Variants in NAALADL2 observed in about 807,000 individuals in gnomAD.
NAALADL2 encodes the protein N-acetylated alpha-linked acidic dipeptidase like 2, also known as inactive N-acetylated-alpha-linked acidic dipeptidase-like protein 2.
Under a neutral mutation model 87.2 loss-of-function variants are expected in NAALADL2, and 76 were observed. The observed-to-expected ratio is 0.87, with a 90% confidence interval of 0.72 to 1.05. The LOEUF (loss-of-function observed/expected upper bound fraction) is 1.05. NAALADL2 is among the 50% of genes least tolerant of loss of function. The pLI is 0.00. For missense variants in NAALADL2, 1,089 were observed against 945.8 expected, an observed-to-expected ratio of 1.15 and a Z score of -1.99; for synonymous variants, 354 against 331.0, an observed-to-expected ratio of 1.07 and a Z score of -0.75.
chr3:175,441,617 A>C (rs1719774848), intron 5 of NAALADL2, among the ~76,000 whole-genome samples: 1 of 152,024 alleles, frequency 6.6e-6, no homozygotes, highest in Admixed American at 6.6e-5. Context: ...TGAGGACTAC[A>C]CATTGAATAG....
In NAALADL2 at chr3:174,891,066, A is replaced by G. The variant is rs1306565649; in HGVS notation, c.43+31616A>G. Among the ~76,000 whole-genome samples the G allele has an allele frequency of 3.9e-5, 6 of 152,308 alleles. No homozygotes were observed. In the East Asian group the frequency reaches 5.8e-4, roughly 15 times the overall value. On this transcript the variant is annotated intron_variant, in intron 1 of 13. Transcript: ENST00000454872. ...ACTAGAAATATTGTAAATGAATTCCATATCACAAATTATACTCTTAACCAG... is the reference window on the plus strand; with the variant it reads ...ACTAGAAATATTGTAAATGAATTCCGTATCACAAATTATACTCTTAACCAG...
In NAALADL2 at chr3:175,455,639, C is replaced by T. The variant is rs568440304; in HGVS notation, c.1235-7762C>T. 4.6e-5 allele frequency among the ~76,000 whole-genome samples: 7 copies of T among 152,010 alleles called. No individual in the cohort carries two copies. In the East Asian group the frequency reaches 5.8e-4, roughly 13 times the overall value. On this transcript the variant is annotated intron_variant, in intron 6 of 13. Transcript: ENST00000454872. ...GCACATATGGATGTGAAAATGTGTGCGCATGTATTAGACAATCAGGGGATA... is the reference window on the plus strand; with the variant it reads ...GCACATATGGATGTGAAAATGTGTGTGCATGTATTAGACAATCAGGGGATA...
At chr3:174,748,037 T>C (rs532915183) in intron 3 of NAALADL2, among the ~76,000 whole-genome samples, 21 of 152,160 alleles carry the variant, frequency 1.4e-4, no homozygotes, top group African/African-American at 5.1e-4. Flanking sequence ...TGGAAGCCAT[T>C]ATCCTCAGCA....
At chr3:175,294,241 T>C (rs1316416984) in intron 4 of NAALADL2, among the ~76,000 whole-genome samples, 1 of 152,214 alleles carries the variant, frequency 6.6e-6, no homozygotes, top group Non-Finnish European at 1.5e-5. Flanking sequence ...CATATACTTT[T>C]CAAGTTTGTT....
At chr3:175,189,281 T>C (rs992653060) in intron 2 of NAALADL2, among the ~76,000 whole-genome samples, 1 of 152,152 alleles carries the variant, frequency 6.6e-6, no homozygotes, top group African/African-American at 2.4e-5. Context: ...AGGAAAGAAA[T>C]ATGTAAAATT....
Position 174,673,898 on chromosome 3 carries a change from A to G in NAALADL2, c.-114-63743A>G, listed in dbSNP as rs1298541322. Reference sequence around the variant, plus strand: ...TCATTACACAATGTATGCATGTATCAAAATATCACATGTACCACATAAATT... The same window carrying G: ...TCATTACACAATGTATGCATGTATCGAAATATCACATGTACCACATAAATT... On this transcript the variant is annotated intron_variant, in intron 2 of 3. Transcript: ENST00000434257. Among the ~76,000 whole-genome samples, 11 of 151,928 alleles carry G rather than the reference A, an allele frequency of 7.2e-5. No individual in the cohort carries two copies. In the Admixed American group the frequency reaches 7.3e-4, roughly 10 times the overall value.
intron 11 of NAALADL2, among the ~76,000 whole-genome samples, chr3:175,671,056 G>A (rs1335313821): frequency 6.6e-6 from 1 of 151,026 alleles, no homozygotes; most frequent in Non-Finnish European, 1.5e-5. Context: ...TAAACAACAG[G>A]GACACGTTTT....
chr3:175,246,360 C>T (rs556137116), intron 3 of NAALADL2, among the ~76,000 whole-genome samples: 2 of 152,102 alleles, frequency 1.3e-5, no homozygotes, highest in Non-Finnish European at 2.9e-5. Flanking sequence ...CATTTCTGAA[C>T]TTGAGTAGAA....
intron 5 of NAALADL2, among the ~76,000 whole-genome samples, chr3:175,335,072 T>C (rs1239745716): frequency 6.6e-6 from 1 of 152,150 alleles, no homozygotes. Context: ...ACAGGCTCTC[T>C]CTTGACAGGA....
intron 11 of NAALADL2, among the ~76,000 whole-genome samples, chr3:175,706,042 A>G (rs1485479506): frequency 6.6e-6 from 1 of 152,150 alleles, no homozygotes; most frequent in Non-Finnish European, 1.5e-5. Flanking sequence ...CTCCAAACAG[A>G]AAGAATGATG....
intron 1 of NAALADL2, among the ~76,000 whole-genome samples, chr3:174,490,068 T>A (rs1479504373): frequency 6.6e-6 from 1 of 151,810 alleles, no homozygotes; most frequent in Non-Finnish European, 1.5e-5. Flanking sequence ...AAAAAAGAAA[T>A]GAAAACATAT....
chr3:174,565,286 T>G (rs2108520697), intron 2 of NAALADL2, among the ~76,000 whole-genome samples: 1 of 152,186 alleles, frequency 6.6e-6, no homozygotes, highest in Non-Finnish European at 1.5e-5. Flanking sequence ...CCACACAGTA[T>G]AGTTTTGATG....
rs147152698 is a variant in NAALADL2 at position 175,030,336 on chromosome 3, C to G, written c.44-66454C>G. Among the ~76,000 whole-genome samples the G allele has an allele frequency of 2.8e-3, 431 of 152,124 alleles. 3 individuals are homozygous for G. Among genetic ancestry groups the G allele is most frequent in the African/African-American group, 9.7e-3 (402 of 41,538 alleles). On this transcript the variant is annotated intron_variant, in intron 1 of 13. Coordinates refer to ENST00000454872, the MANE Select transcript of NAALADL2 (RefSeq NM_207015.3). Reference sequence around the variant, plus strand: ...AGTTGCTTATAGACGAGTTTTGTTACTTTTCTGAAAATTAAAATATATTTC... The same window carrying G: ...AGTTGCTTATAGACGAGTTTTGTTAGTTTTCTGAAAATTAAAATATATTTC...
At chr3:175,471,510 AAAG>A in intron 8 of NAALADL2, 126 bp from the exon 9 acceptor site, 1 of 633,488 alleles carries the variant, frequency 1.6e-6, no homozygotes, top group Middle Eastern at 4.5e-4. Flanking sequence ...AGAAAAAAAA[AAAG>A]AAGGTAATTA....
intron 11 of NAALADL2, among the ~76,000 whole-genome samples, chr3:175,717,702 A>G (rs1741513623): frequency 6.6e-6 from 1 of 151,736 alleles, no homozygotes; most frequent in Non-Finnish European, 1.5e-5. Context: ...AAAAAAAAAA[A>G]AGAAAAGAGA....
intron 10 of NAALADL2, among the ~76,000 whole-genome samples, chr3:175,596,321 A>G (rs1722238528): frequency 6.6e-6 from 1 of 151,970 alleles, no homozygotes; most frequent in Non-Finnish European, 1.5e-5. Context: ...TGGTTTGCTT[A>G]TAATAGTTTA....
chr3:175,787,563 C>T (rs1034403350), intron 13 of NAALADL2, among the ~76,000 whole-genome samples: 14 of 152,210 alleles, frequency 9.2e-5, no homozygotes, highest in Non-Finnish European at 1.5e-4. Flanking sequence ...CCTCGCCCTG[C>T]TTCGGCTCGC....
chr3:174,525,140 T>C (rs1383957770), intron 1 of NAALADL2, among the ~76,000 whole-genome samples: 1 of 152,204 alleles, frequency 6.6e-6, no homozygotes. Flanking sequence ...TCTCAGAACA[T>C]ATCCTTGTCA....
intron 11 of NAALADL2, among the ~76,000 whole-genome samples, chr3:175,726,272 A>AC (rs1420673531): frequency 6.6e-6 from 1 of 151,966 alleles, no homozygotes; most frequent in Admixed American, 6.6e-5. Flanking sequence ...CAAAAAAAAA[A>AC]AAAAAAAATT....
Sources: gnomAD v4.1 joint callset for allele counts (sites outside exome capture counted in the v4.1 genomes callset) on GRCh38, gnomAD v4.1.1 for gene constraint, MANE v1.5 for transcripts, NCBI Gene and HGNC (gene_info 2026-07-23, HGNC 2026-07-21) for gene names.